ZNF512: variants seen among roughly 807,000 people sequenced by gnomAD.
The protein encoded by ZNF512 is zinc finger protein 512.
Under a neutral mutation model 77.5 loss-of-function variants are expected in ZNF512, and 25 were observed. The observed-to-expected ratio is 0.32, with a 90% confidence interval of 0.23 to 0.45. The LOEUF (loss-of-function observed/expected upper bound fraction) is 0.45, where lower values mean the gene tolerates loss of function less well. Ranked by LOEUF, ZNF512 falls within the 20% of genes least tolerant of loss-of-function variation. The probability of loss-of-function intolerance (pLI) is 1.00; values close to 1 mark genes in which losing one functional copy is unlikely to be tolerated. For missense variants in ZNF512, 483 were observed against 692.6 expected (o/e 0.70, Z 3.40); for synonymous variants, 246 against 239.9 (o/e 1.03, Z -0.24).
In ZNF512 at chr2:27,599,945, G is replaced by C. The variant is rs762710509; in HGVS notation, c.374-25G>C. ...GGTATTAGCAAGGGTGACATGCTGG[G>C]CTTCAAGTTTCTGTCTTATGTCAGG... is the stretch of plus-strand genomic sequence containing the variant. On this transcript the variant is annotated intron_variant, in intron 4 of 13. Transcript: ENST00000355467. 4 of 1,613,458 alleles carry C rather than the reference G, an allele frequency of 2.5e-6. No homozygotes were observed. The East Asian group carries it at 8.9e-5, about 36-fold the overall frequency.
chr2:27,597,080 A>G (rs751934426), intron 2 of ZNF512, among the ~76,000 whole-genome samples: 8 of 152,232 alleles, frequency 5.3e-5, no homozygotes, highest in Non-Finnish European at 7.3e-5. Context: ...ACAGCAGCAC[A>G]GTATTCCATA....
At chr2:27,613,075 C>G (rs949935599) in intron 10 of ZNF512, among the ~76,000 whole-genome samples, 1 of 152,176 alleles carries the variant, frequency 6.6e-6, no homozygotes, top group African/African-American at 2.4e-5. Context: ...GATAACCAAA[C>G]TCATTCGTTT....
intron 10 of ZNF512, 48 bp downstream of exon 10, chr2:27,608,087 G>A (rs779418357): frequency 6.7e-7 from 1 of 1,490,808 alleles, no homozygotes; most frequent in Non-Finnish European, 8.9e-7. Flanking sequence ...GTCTAACGTT[G>A]TGCCTACTGT....
At chr2:27,587,268 GT>G (rs57745266) in intron 2 of ZNF512, among the ~76,000 whole-genome samples, 39,442 of 132,546 alleles carry the variant, frequency 0.3, 3,216 homozygotes, top group Admixed American at 0.41. Flanking sequence ...TAATTCATGG[GT>G]TTTTTTTTTT....
chr2:27,621,126 G>A, intron 13 of ZNF512, 27 bp from the exon 14 acceptor site: 1 of 1,596,788 alleles, frequency 6.3e-7, no homozygotes, highest in Non-Finnish European at 8.5e-7. Flanking sequence ...TTTTCGACTG[G>A]ATGACATTTC....
chr2:27,609,477 C>T lies in ZNF512; in HGVS notation c.1131+1438C>T, dbSNP rs192260647. ...GGGCCCAGTGGCTCACGCCTGTAAT[C>T]CCAGCACTTTGGGAGGCTGAGGTGG... On this transcript the variant is annotated intron_variant, in intron 10 of 13. Transcript: ENST00000355467. Among the ~76,000 whole-genome samples, 535 of 152,260 alleles carry T rather than the reference C, an allele frequency of 3.5e-3. 5 individuals carry two copies. Among genetic ancestry groups the T allele is most frequent in the African/African-American group, 0.012 (508 of 41,548 alleles).
chr2:27,621,378 A>G lies in ZNF512; in HGVS notation c.1621A>G (p.Lys541Glu), dbSNP rs1224112527. 1 of 1,614,020 alleles carries G rather than the reference A, an allele frequency of 6.2e-7. No individual in the cohort carries two copies. The highest frequency in any genetic ancestry group is 1.3e-5 in the African/African-American group (1 of 74,928). ...GGAACTGGTAGTGTCAGCCTCCTGT[A>G]AGGAACCAGAGCAGGAGCCAGTGCC... is the stretch of plus-strand genomic sequence containing the variant. The part of the protein sequence containing the change: ...NEELVVSASC[K>E]EPEQEPVPAQ... The change falls in exon 14 of 14, where the codon AAG becomes GAG. Residue 541 changes from lysine (K) to glutamate (E), a missense_variant. Transcript: ENST00000355467.
At chr2:27,597,019 C>G (rs1471841831) in intron 2 of ZNF512, among the ~76,000 whole-genome samples, 1 of 152,168 alleles carries the variant, frequency 6.6e-6, no homozygotes, top group Non-Finnish European at 1.5e-5. Context: ...CAACAATATA[C>G]TTTTTAGTTA....
rs573771638 is a variant in ZNF512, at chr2:27,589,890, A to G, written c.89+6174A>G. On this transcript the variant is annotated intron_variant, in intron 2 of 13. Coordinates refer to ENST00000355467, the MANE Select transcript of ZNF512 (RefSeq NM_032434.4). ...GTTTTTAGATATCTTCCTATTATTG[A>G]CTCCTAAGTTGATACCAATGTGGTC... Among the ~76,000 whole-genome samples the G allele has an allele frequency of 2.6e-5, 4 of 152,154 alleles. No individual in the cohort carries two copies. In the East Asian group the frequency reaches 7.7e-4, roughly 29 times the overall value.
intron 2 of ZNF512, among the ~76,000 whole-genome samples, chr2:27,591,598 A>G (rs1385228597): frequency 1.3e-5 from 2 of 152,128 alleles, no homozygotes; most frequent in Non-Finnish European, 2.9e-5. Context: ...TTTAGTAGAG[A>G]TGGGGTTTCA....
intron 12 of ZNF512, 58 bp from the exon 13 acceptor site, chr2:27,617,415 G>A (rs1672929680): frequency 1.3e-6 from 1 of 783,352 alleles, no homozygotes; most frequent in Non-Finnish European, 2.4e-6. Context: ...CCTACACATA[G>A]CCCAGTTATG....
chr2:27,602,824 C>T (rs1036237316), intron 8 of ZNF512, among the ~76,000 whole-genome samples: 2 of 151,956 alleles, frequency 1.3e-5, no homozygotes, highest in African/African-American at 4.8e-5. Context: ...CTGTGCTGGA[C>T]TTTGGTATAT....
intron 10 of ZNF512, among the ~76,000 whole-genome samples, chr2:27,609,037 AG>A (rs1317632815): frequency 2.0e-5 from 3 of 149,160 alleles, no homozygotes; most frequent in African/African-American, 7.4e-5. Context: ...TGAACCCGGG[AG>A]GTGGAGGTTG....
At chr2:27,594,985 C>A (rs1671790494) in intron 2 of ZNF512, among the ~76,000 whole-genome samples, 3 of 152,124 alleles carry the variant, frequency 2.0e-5, no homozygotes, top group Non-Finnish European at 4.4e-5. Context: ...AAAAACCAGT[C>A]AGGCGTGGCG....
In ZNF512 at chr2:27,586,560, G is replaced by T. The variant is rs548542872; in HGVS notation, c.89+2844G>T. On this transcript the variant is annotated intron_variant, in intron 2 of 13. Coordinates refer to ENST00000355467, the MANE Select transcript of ZNF512 (RefSeq NM_032434.4). The stretch of plus-strand genomic sequence containing the variant: ...AGTGTTTCTAGCATTGTTTGGGATG[G>T]TAGGTTTTGGCCTTAGAGGCCTGCC... 9.3e-4 allele frequency among the ~76,000 whole-genome samples: 141 copies of T among 152,228 alleles called. 1 individual carries two copies. The highest frequency in any genetic ancestry group is 1.5e-3 in the Non-Finnish European group (105 of 68,016).
Position 27,598,357 on chromosome 2 carries a change from T to C in ZNF512, c.277+103T>C, listed in dbSNP as rs373905322. On this transcript the variant is annotated intron_variant, in intron 3 of 13. Transcript: ENST00000355467. Reference sequence around the variant, plus strand: ...AAAAGTATTAAATGGCGGCTGAGCGTGGTGGCTCACGCCTGTAATCCCAGC... The same window carrying C: ...AAAAGTATTAAATGGCGGCTGAGCGCGGTGGCTCACGCCTGTAATCCCAGC... 64 of 1,271,368 alleles carry C rather than the reference T, an allele frequency of 5.0e-5. No individual in the cohort carries two copies. In the African/African-American group the frequency reaches 8.5e-4, roughly 17 times the overall value. 78.8% of individuals were successfully genotyped at this position (1,271,368 alleles called of 1,614,324 possible). A position where few individuals can be genotyped will look rare whatever the true frequency, so the allele number is the denominator to read the frequency against.
Position 27,610,502 on chromosome 2 carries a change from G to GTATA in ZNF512, c.1131+2469_1131+2472dup, listed in dbSNP as rs201029545. On this transcript the variant is annotated intron_variant, in intron 10 of 13. Transcript: ENST00000355467. ...TGTATATATATATATGTGTATATGT[G>GTATA]TATATATATGTGTGTATATGTGTGT... 4.6e-3 allele frequency among the ~76,000 whole-genome samples: 533 copies of GTATA among 115,684 alleles called. 14 individuals carry two copies. Among genetic ancestry groups the GTATA allele is most frequent in the African/African-American group, 0.018 (516 of 28,700 alleles). 75.9% of individuals were successfully genotyped at this position (115,684 alleles called of 152,430 possible).
chr2:27,585,515 A>T (rs942629811), intron 2 of ZNF512, among the ~76,000 whole-genome samples: 1 of 152,222 alleles, frequency 6.6e-6, no homozygotes, highest in Admixed American at 6.5e-5. Flanking sequence ...TTCCTAGGAG[A>T]TTGTGACATT....
intron 2 of ZNF512, among the ~76,000 whole-genome samples, chr2:27,589,471 A>G (rs1048605801): frequency 6.6e-6 from 1 of 152,044 alleles, no homozygotes; most frequent in Non-Finnish European, 1.5e-5. Context: ...GGCTATTTGT[A>G]GTGTCTTTTT....
Sources: gnomAD v4.1 joint callset for allele counts (sites outside exome capture counted in the v4.1 genomes callset) on GRCh38, gnomAD v4.1.1 for gene constraint, MANE v1.5 for transcripts, NCBI Gene and HGNC (gene_info 2026-07-23, HGNC 2026-07-21) for gene names.